The following GABRD variants were observed in gnomAD, a reference collection of about 807,000 sequenced individuals.
GABRD encodes the protein gamma-aminobutyric acid type A receptor subunit delta.
Under a neutral mutation model 47.3 loss-of-function variants are expected in GABRD, and 25 were observed. The ratio of observed to expected loss-of-function variants is 0.53; its 90% CI spans 0.39 to 0.74. The LOEUF (loss-of-function observed/expected upper bound fraction) is 0.74, where lower values mean the gene tolerates loss of function less well. GABRD is among the 30% of genes least tolerant of loss of function. The pLI is 0.00. For synonymous variants in GABRD, 314 were observed against 278.8 expected (o/e 1.13, Z -1.26); for missense variants, 497 against 643.4 (o/e 0.77, Z 2.46).
chr1:2,025,682 G>A lies in GABRD; in HGVS notation c.414G>A (p.Thr138=), dbSNP rs77892827. 9.1e-4 allele frequency: 1,465 copies of A among 1,613,010 alleles called. 10 individuals are homozygous for A. In the African/African-American group the frequency reaches 0.016, roughly 17 times the overall value. The change falls in exon 4 of 9, where the codon ACG becomes ACA. Residue 138 remains threonine (T), a synonymous_variant. Transcript: ENST00000378585. The part of the protein sequence containing the change: ...NAKSAWFHDV[T]VENKLIRLQP... ...AGTCGGCCTGGTTCCACGACGTGAC[G>A]GTGGAGAACAAGCTCATCCGGCTGC...
Position 2,024,961 on chromosome 1 carries a change from G to T in GABRD, c.88G>T (p.Asp30Tyr). 1 of 1,612,750 alleles carries T rather than the reference G, an allele frequency of 6.2e-7. No individual in the cohort carries two copies. The change falls in exon 2 of 9, where the codon GAC becomes TAC. Residue 30 changes from aspartate (D) to tyrosine (Y), a missense_variant. Transcript: ENST00000378585. ...CCCCAGAGCGATGAATGACATCGGCGACTACGTGGGCTCCAACCTGGAGAT... is the reference window on the plus strand; with the variant it reads ...CCCCAGAGCGATGAATGACATCGGCTACTACGTGGGCTCCAACCTGGAGAT... Reference protein sequence around the residue: ...RGTRAMNDIGDYVGSNLEISW... With the variant: ...RGTRAMNDIGYYVGSNLEISW...
At chr1:2,023,891 G>C (rs1362436360) in intron 1 of GABRD, 2 of 152,192 alleles carry the variant, frequency 1.3e-5, no homozygotes, top group Non-Finnish European at 2.9e-5. Context: ...TGAAATCAAG[G>C]TGTGGGTGGG....
Position 2,025,577 on chromosome 1 carries a change from C to T in GABRD, c.309C>T (p.Asn103=). 2.5e-6 allele frequency: 4 copies of T among 1,613,066 alleles called. No individual in the cohort carries two copies. The highest frequency in any genetic ancestry group is 3.4e-6 in the Non-Finnish European group (4 of 1,179,996). Residue 103 remains asparagine, a synonymous_variant, in exon 4 of 9, where the codon AAC becomes AAT. Transcript: ENST00000378585. ...QSWRDSRLSY[N]HTNETLGLDS... ...GGCGGGACAGCAGGCTCTCCTACAA[C>T]CACACCAACGAGACCCTGGGTCTGG...
In GABRD at chr1:2,025,843, G is replaced by A. The variant is rs555875907; in HGVS notation, c.470+105G>A. The stretch of plus-strand genomic sequence containing the variant: ...AAAAGCTCGAGCGGCTTCTGCTGCC[G>A]GGAGCTGGCGGGCGGGCGGAGGGGG... On this transcript the variant is annotated intron_variant, in intron 4 of 8. Transcript: ENST00000378585. The A allele has an allele frequency of 2.4e-5, 24 of 992,084 alleles. No individual in the cohort carries two copies. In the Admixed American group the frequency reaches 3.2e-4, roughly 13 times the overall value. The allele number at this position is 992,084 out of a possible 1,614,324, so 61.5% of individuals were successfully genotyped here.
rs769972222 is a variant in GABRD, at chr1:2,025,721, G to A, written c.453G>A (p.Val151=). The A allele has an allele frequency of 6.2e-7, 1 of 1,612,786 alleles. No homozygotes were observed. Among genetic ancestry groups the A allele is most frequent in the South Asian group, 1.1e-5 (1 of 91,082 alleles). The change falls in exon 4 of 9, where the codon GTG becomes GTA. Residue 151 remains valine, a synonymous_variant. Coordinates refer to ENST00000378585, the MANE Select transcript of GABRD (RefSeq NM_000815.5). ...NKLIRLQPDG[V]ILYSIRITST... Reference sequence around the variant, plus strand: ...TCATCCGGCTGCAGCCCGACGGCGTGATCCTGTACAGCATCCGGTGAGCGG... The same window carrying A: ...TCATCCGGCTGCAGCCCGACGGCGTAATCCTGTACAGCATCCGGTGAGCGG...
In GABRD at chr1:2,028,298, A is replaced by G. The variant is rs1658984191; in HGVS notation, c.691+6A>G. 1.9e-6 allele frequency: 3 copies of G among 1,606,488 alleles called. No individual in the cohort carries two copies. In the African/African-American group the frequency reaches 4.1e-5, roughly 22 times the overall value. On this transcript the variant is annotated splice_donor_region_variant and intron_variant, in intron 6 of 8. Coordinates refer to ENST00000378585, the MANE Select transcript of GABRD (RefSeq NM_000815.5). The surrounding 1 kb of genome is among the most constrained non-coding windows in gnomAD (Gnocchi z 6.4). ...GCTGATGAACTTCAAGTCCGGTAACATATGCCCGCCGCCCCTTCCGCATGT... is the reference window on the plus strand; with the variant it reads ...GCTGATGAACTTCAAGTCCGGTAACGTATGCCCGCCGCCCCTTCCGCATGT...
rs779793371 is a variant in GABRD at position 2,028,197 on chromosome 1, G to A, written c.596G>A (p.Ser199Asn). The change falls in exon 6 of 9, where the codon AGC becomes AAC. Residue 199 changes from serine (S) to asparagine (N), a missense_variant. Physicochemically the swap from Ser to Asn is conservative, Grantham distance 46. Transcript: ENST00000378585. This position sits in a 1 kb window ranked among gnomAD's most constrained non-coding sequence, Gnocchi z 6.4. ...SEDIVYYWSESQEHIHGLDKL... is the reference protein window; with the variant it reads ...SEDIVYYWSENQEHIHGLDKL... ...GACATCGTCTACTACTGGTCGGAGA[G>A]CCAGGAGCACATCCACGGGCTGGAC... 34 of 1,612,428 alleles carry A rather than the reference G, an allele frequency of 2.1e-5. No homozygotes were observed. The Admixed American group carries it at 5.5e-4, about 26-fold the overall frequency.
At chr1:2,023,063 A>G (rs1336010533) in intron 1 of GABRD, among the ~76,000 whole-genome samples, 1 of 152,132 alleles carries the variant, frequency 6.6e-6, no homozygotes, top group South Asian at 2.1e-4. Flanking sequence ...GATAAAGTGT[A>G]TGGAGCAGAG....
Position 2,030,734 on chromosome 1 carries a change from CT to C in GABRD, c.*453del, listed in dbSNP as rs1302012502. 6.4e-6 allele frequency: 1 copy of C among 155,710 alleles called. No homozygotes were observed. Among genetic ancestry groups the C allele is most frequent in the African/African-American group, 2.4e-5 (1 of 41,558 alleles). The allele number at this position is 155,710 out of a possible 1,614,324, so 9.6% of individuals were successfully genotyped here. ...TCCCAGCATGAAATAAAGCCTTGGC[CT>C]GGGGGCCGCTTCATTCTCCCTCACT... On this transcript the variant is annotated 3_prime_UTR_variant, in exon 9 of 9. Transcript: ENST00000378585.
At chr1:2,029,396 C>T (rs1001717815) in intron 7 of GABRD, 130 bp downstream of exon 7, 48 of 1,224,276 alleles carry the variant, frequency 3.9e-5, no homozygotes, top group Admixed American at 4.5e-5. Flanking sequence ...AGTGGCCAGC[C>T]GGGCCAGGCC....
In GABRD at chr1:2,025,365, G is replaced by A; in HGVS notation, c.213G>A (p.Glu71=). 6.2e-7 allele frequency: 1 copy of A among 1,613,112 alleles called. No homozygotes were observed. Among genetic ancestry groups the A allele is most frequent in the East Asian group, 2.2e-5 (1 of 44,880 alleles). The change falls in exon 3 of 9, where the codon GAG becomes GAA. Residue 71 remains glutamate, a synonymous_variant. Transcript: ENST00000378585. ...GPPVNVALAL[E]VASIDHISEA... is the part of the protein sequence containing the mutation. The stretch of plus-strand genomic sequence containing the variant: ...CCGTGAATGTGGCCCTTGCCCTGGA[G>A]GTGGCCAGCATCGACCACATCTCAG...
rs773238325 is a variant in GABRD at position 2,029,735 on chromosome 1, G to T, written c.1032G>T (p.Lys344Asn). 6.2e-7 allele frequency: 1 copy of T among 1,613,214 alleles called. No individual in the cohort carries two copies. The highest frequency in any genetic ancestry group is 1.7e-5 in the Admixed American group (1 of 60,034). Residue 344 changes from lysine to asparagine, a missense_variant, in exon 8 of 9, where the codon AAG becomes AAT. Physicochemically the swap from Lys to Asn is moderately conservative, Grantham distance 94. Around this residue, in one of 3 missense-constraint regions of GABRD, gnomAD observed 285 missense variants for 436.6 expected, o/e 0.65. Transcript: ENST00000378585. The part of the protein sequence containing the change: ...NADYRKKQKA[K>N]VKVSRPRAEM... ...ACTACAGGAAGAAGCAGAAGGCCAA[G>T]GTCAAGGTCTCCAGGCCGAGGGCAG... is the stretch of plus-strand genomic sequence containing the variant.
intron 1 of GABRD, among the ~76,000 whole-genome samples, chr1:2,023,276 G>T (rs1418024241): frequency 6.6e-6 from 1 of 152,006 alleles, no homozygotes; most frequent in Non-Finnish European, 1.5e-5. Flanking sequence ...GAGCCGGAGA[G>T]ACAGACAAGC....
In GABRD at chr1:2,019,470, C is replaced by G; in HGVS notation, c.47C>G (p.Ala16Gly). 1 of 1,111,070 alleles carries G rather than the reference C, an allele frequency of 9.0e-7. No homozygotes were observed. The highest frequency in any genetic ancestry group is 1.1e-6 in the Non-Finnish European group (1 of 913,034). The allele number at this position is 1,111,070 out of a possible 1,614,324, so 68.8% of individuals were successfully genotyped here. ...CTGGCCCCGCTCCTGCTCCTCTGCG[C>G]GCAGCAGCTCCGCGGCACCAGGTGA... ...RLLAPLLLLC[A>G]QQLRGTRAMN... The change falls in exon 1 of 9, where the codon GCG (alanine) becomes GGG (glycine). Residue 16 changes from alanine to glycine, a missense_variant. Ala to Gly is a moderately conservative substitution (Grantham distance 60). Transcript: ENST00000378585.
intron 1 of GABRD, among the ~76,000 whole-genome samples, 187 bp downstream of exon 1, chr1:2,019,678 C>T (rs1658722286): frequency 6.6e-6 from 1 of 151,880 alleles, no homozygotes; most frequent in African/African-American, 2.4e-5. Flanking sequence ...CGGACGCTGC[C>T]CTTGGGCTCG....
At chr1:2,023,063 A>T (rs1336010533) in intron 1 of GABRD, among the ~76,000 whole-genome samples, 1 of 152,132 alleles carries the variant, frequency 6.6e-6, no homozygotes, top group Non-Finnish European at 1.5e-5. Context: ...GATAAAGTGT[A>T]TGGAGCAGAG....
In GABRD at chr1:2,024,930, T is replaced by C; in HGVS notation, c.69-12T>C. 6.3e-7 allele frequency: 1 copy of C among 1,590,958 alleles called. No homozygotes were observed. The highest frequency in any genetic ancestry group is 8.6e-7 in the Non-Finnish European group (1 of 1,160,092). On this transcript the variant is annotated splice_polypyrimidine_tract_variant and intron_variant, in intron 1 of 8. Transcript: ENST00000378585. ...GTCCTGGCCTGTCTGACCGGTGGCT[T>C]TGCATCCCCAGAGCGATGAATGACA...
Position 2,019,416 on chromosome 1 carries a change from C to A in GABRD, c.-8C>A. 1 of 1,080,728 alleles carries A rather than the reference C, an allele frequency of 9.3e-7. No homozygotes were observed. Among genetic ancestry groups the A allele is most frequent in the South Asian group, 3.7e-5 (1 of 26,958 alleles). 66.9% of individuals were successfully genotyped at this position (1,080,728 alleles called of 1,614,324 possible). On this transcript the variant is annotated 5_prime_UTR_variant, in exon 1 of 9. Coordinates refer to ENST00000378585, the MANE Select transcript of GABRD (RefSeq NM_000815.5). ...TTGCGCGGACCCCGTCCCGAGCCCG[C>A]CGCGGCCATGGACGCGCCCGCCCGG...
rs1659058773 is a variant in GABRD at position 2,030,417 on chromosome 1, C to G, written c.*135C>G. 17 of 787,830 alleles carry G rather than the reference C, an allele frequency of 2.2e-5. No individual in the cohort carries two copies. The East Asian group carries it at 5.3e-4, about 24-fold the overall frequency. 48.8% of individuals were successfully genotyped at this position (787,830 alleles called of 1,614,324 possible). A position where few individuals can be genotyped will look rare whatever the true frequency, so the allele number is the denominator to read the frequency against. On this transcript the variant is annotated 3_prime_UTR_variant, in exon 9 of 9. Transcript: ENST00000378585. ...TGGGATGACAGTCGGCCACGGAAAA[C>G]AAGAGGAAGCCTCGGCCTCCCTGAG... is the stretch of plus-strand genomic sequence containing the variant.
Sources: gnomAD v4.1 joint callset for allele counts (sites outside exome capture counted in the v4.1 genomes callset) on GRCh38, gnomAD v4.1.1 for gene constraint, gnomAD v4.1.1 regional missense constraint, Gnocchi (gnomAD v3.1) non-coding constraint, MANE v1.5 for transcripts, NCBI Gene and HGNC (gene_info 2026-07-23, HGNC 2026-07-21) for gene names.